The following GOLGB1 variants were observed in gnomAD, a reference collection of about 807,000 sequenced individuals.
The protein encoded by GOLGB1 is golgin subfamily B member 1.
GOLGB1 carries 174 observed loss-of-function variants against 336.9 expected under a neutral mutation model. The ratio of observed to expected loss-of-function variants is 0.52; its 90% CI spans 0.46 to 0.59. GOLGB1 has a LOEUF of 0.59. Among genes scored for constraint, GOLGB1 ranks in the 20% least tolerant of loss-of-function variants. GOLGB1 has a pLI of 0.00. For synonymous variants in GOLGB1, 1,208 were observed against 1,289.2 expected, an observed-to-expected ratio of 0.94 and a Z score of 1.35; for missense variants, 3,331 against 3,645.3, an observed-to-expected ratio of 0.91 and a Z score of 2.22.
chr3:121,697,640 A>G lies in GOLGB1; in HGVS notation c.2883T>C (p.Ser961=). The G allele has an allele frequency of 6.2e-7, 1 of 1,612,450 alleles. No homozygotes were observed. The highest frequency in any genetic ancestry group is 2.2e-5 in the East Asian group (1 of 44,880). ...CATCATAATTTTGTTTAAGGCCAGA[A>G]GAAACTTCATTATCTTCTTCCACCT... ...KEQVEEDNEV[S]SGLKQNYDEM... Residue 961 remains serine, a synonymous_variant, in exon 13 of 22, where the codon TCT becomes TCC. Transcript: ENST00000614479.
At chr3:121,718,066 G>A (rs1281042578) in intron 8 of GOLGB1, among the ~76,000 whole-genome samples, 1 of 152,064 alleles carries the variant, frequency 6.6e-6, no homozygotes, top group African/African-American at 2.4e-5. Context: ...TTCAGATTTT[G>A]CAGCATTTTG....
intron 10 of GOLGB1, among the ~76,000 whole-genome samples, chr3:121,706,154 T>C (rs567857594): frequency 6.6e-6 from 1 of 150,744 alleles, no homozygotes; most frequent in Non-Finnish European, 1.5e-5. Context: ...AAAAAAAAAT[T>C]AAAAGCCCAT....
intron 14 of GOLGB1, among the ~76,000 whole-genome samples, chr3:121,686,525 T>C (rs1273041194): frequency 6.6e-6 from 1 of 152,202 alleles, no homozygotes; most frequent in African/African-American, 2.4e-5. Flanking sequence ...TATAGATAAA[T>C]ACAGGCACCC....
At position 121,669,256 on chromosome 3, in the gene GOLGB1, T is replaced by A; in HGVS notation, c.9277A>T (p.Asn3093Tyr). The A allele has an allele frequency of 6.2e-7, 1 of 1,614,070 alleles. No individual in the cohort carries two copies. Among genetic ancestry groups the A allele is most frequent in the South Asian group, 1.1e-5 (1 of 91,080 alleles). ...TGCTTCTCCAAGACTGCACAGTGAT[T>A]TAAAAGGTCACCATAGTGCTGCTGG... ...ENQQHYGDLL[N>Y]HCAVLEKQVQ... Residue 3093 changes from asparagine to tyrosine, a missense_variant, in exon 18 of 22, where the codon AAT becomes TAT. Asn to Tyr is a moderately radical substitution (Grantham distance 143). Coordinates refer to ENST00000614479, the MANE Select transcript of GOLGB1 (RefSeq NM_001366282.2).
chr3:121,723,188 T>C lies in GOLGB1; in HGVS notation c.532-810A>G, dbSNP rs1462902303. ...AATATTTTTAATTTTTAACATTATT[T>C]AATTTTAATTTGAAAACTGAAATAT... On this transcript the variant is annotated intron_variant, in intron 5 of 21. Coordinates refer to ENST00000614479, the MANE Select transcript of GOLGB1 (RefSeq NM_001366282.2). 3.3e-5 allele frequency among the ~76,000 whole-genome samples: 5 copies of C among 152,340 alleles called. No homozygotes were observed. In the East Asian group the frequency reaches 5.8e-4, roughly 18 times the overall value.
rs560592558 is a variant in GOLGB1, at chr3:121,675,461, G to A, written c.9177+1432C>T. ...GTCCTTCAACAGAATAGAGATTGTG[G>A]TATATGCCTAAAATGCAATACTACA... On this transcript the variant is annotated intron_variant, in intron 17 of 21. Transcript: ENST00000614479. Among the ~76,000 whole-genome samples, 9 of 152,182 alleles carry A rather than the reference G, an allele frequency of 5.9e-5. No homozygotes were observed. The South Asian group carries it at 1.9e-3, about 32-fold the overall frequency.
rs547198724 is a variant in GOLGB1 at position 121,705,814 on chromosome 3, C to A, written c.1405-3219G>T. On this transcript the variant is annotated intron_variant, in intron 10 of 21. Transcript: ENST00000614479. ...AATAGCACTTGGTGCTCACACAAAA[C>A]CCGGAAGTGTCAGTTATATAGCCAA... 7.5e-4 allele frequency among the ~76,000 whole-genome samples: 114 copies of A among 152,310 alleles called. 1 individual carries two copies. The highest frequency in any genetic ancestry group is 1.1e-3 in the Non-Finnish European group (74 of 68,024).
In GOLGB1 at chr3:121,695,895, A is replaced by G; in HGVS notation, c.4628T>C (p.Leu1543Ser). 2 of 1,613,784 alleles carry G rather than the reference A, an allele frequency of 1.2e-6. No homozygotes were observed. Among genetic ancestry groups the G allele is most frequent in the South Asian group, 2.2e-5 (2 of 91,032 alleles). ...TTCTTGAAGAAGAGCTAACCTTCCT[A>G]AGACCGTATCTTTTTCTTTATTTTG... The part of the protein sequence containing the change: ...SAQNKEKDTV[L>S]GRLALLQEER... Residue 1543 changes from leucine to serine, a missense_variant, in exon 13 of 22, where the codon TTA becomes TCA. Physicochemically the swap from Leu to Ser is moderately radical, Grantham distance 145 (BLOSUM62 -2). Transcript: ENST00000614479.
chr3:121,679,419 A>G (rs1940804146), intron 15 of GOLGB1, among the ~76,000 whole-genome samples: 1 of 152,154 alleles, frequency 6.6e-6, no homozygotes, highest in South Asian at 2.1e-4. Flanking sequence ...GAGGAATGAC[A>G]TGGTGGCAAG....
chr3:121,711,051 G>A (rs945433028), intron 10 of GOLGB1, among the ~76,000 whole-genome samples: 21 of 151,796 alleles, frequency 1.4e-4, no homozygotes, highest in African/African-American at 4.6e-4. Flanking sequence ...AAAATTAGCC[G>A]GGGGTGTTGG....
Position 121,695,878 on chromosome 3 carries a change from G to A in GOLGB1, c.4645C>T (p.Leu1549Phe), listed in dbSNP as rs1942897792. 2.5e-6 allele frequency: 4 copies of A among 1,613,872 alleles called. No individual in the cohort carries two copies. Among genetic ancestry groups the A allele is most frequent in the Non-Finnish European group, 3.4e-6 (4 of 1,179,786 alleles). Residue 1549 changes from leucine (L) to phenylalanine (F), a missense_variant, in exon 13 of 22, where the codon CTT becomes TTT. By Grantham distance (22) the Leu-to-Phe change is conservative. Coordinates refer to ENST00000614479, the MANE Select transcript of GOLGB1 (RefSeq NM_001366282.2). The stretch of plus-strand genomic sequence containing the variant: ...ATGAGTTTGTCTCTTTCTTCTTGAA[G>A]AAGAGCTAACCTTCCTAAGACCGTA... ...KDTVLGRLAL[L>F]QEERDKLITE...
intron 1 of GOLGB1, among the ~76,000 whole-genome samples, chr3:121,739,842 C>T (rs1274867900): frequency 2.0e-5 from 3 of 152,140 alleles, no homozygotes; most frequent in Admixed American, 1.3e-4. Context: ...GTTAAACAAA[C>T]TGGTACATAC....
intron 2 of GOLGB1, among the ~76,000 whole-genome samples, chr3:121,730,582 G>C (rs1946021401): frequency 6.6e-6 from 1 of 152,186 alleles, no homozygotes; most frequent in Admixed American, 6.5e-5. Flanking sequence ...CTGTGGAAAA[G>C]GAATAGCCAA....
chr3:121,702,765 T>A (rs905613472), intron 10 of GOLGB1, among the ~76,000 whole-genome samples, 170 bp from the exon 11 acceptor site: 1 of 152,240 alleles, frequency 6.6e-6, no homozygotes, highest in Non-Finnish European at 1.5e-5. Context: ...AAGTGTTTTA[T>A]CTAAAGATTT....
chr3:121,707,466 A>G (rs1247321751), intron 10 of GOLGB1, among the ~76,000 whole-genome samples: 1 of 151,070 alleles, frequency 6.6e-6, no homozygotes, highest in Non-Finnish European at 1.5e-5. Flanking sequence ...TCTCTACTAA[A>G]AGCAAAAAAA....
chr3:121,746,048 T>C (rs548897188), intron 1 of GOLGB1, among the ~76,000 whole-genome samples: 8 of 152,336 alleles, frequency 5.3e-5, no homozygotes, highest in Admixed American at 1.3e-4. Flanking sequence ...AGTGAGTGCA[T>C]GCCTGTGTAT....
rs781737017 is a variant in GOLGB1, at chr3:121,681,745, T to G, written c.8815A>C (p.Met2939Leu). 52 of 1,612,792 alleles carry G rather than the reference T, an allele frequency of 3.2e-5. No individual in the cohort carries two copies. The highest frequency in any genetic ancestry group is 3.2e-5 in the Non-Finnish European group (38 of 1,178,966). Residue 2939 changes from methionine (M) to leucine (L), a missense_variant, in exon 15 of 22, where the codon ATG becomes CTG. By Grantham distance (15) the Met-to-Leu change is conservative. Coordinates refer to ENST00000614479, the MANE Select transcript of GOLGB1 (RefSeq NM_001366282.2). ...TTTTCCTGCCTGAGCTCTTCTTGCATAATCTGAAATGCTTTTGTCTTATCT... is the reference window on the plus strand; with the variant it reads ...TTTTCCTGCCTGAGCTCTTCTTGCAGAATCTGAAATGCTTTTGTCTTATCT... ...YQDKTKAFQI[M>L]QEELRQENLS...
chr3:121,664,862 G>T, intron 21 of GOLGB1, 64 bp downstream of exon 21: 12 of 996,412 alleles, frequency 1.2e-5, no homozygotes, highest in Non-Finnish European at 1.6e-5. Flanking sequence ...TCAGCTCCTT[G>T]CCCCCAGTAT....
intron 4 of GOLGB1, among the ~76,000 whole-genome samples, chr3:121,727,316 ATATATTT>A (rs1294294556): frequency 1.3e-3 from 48 of 36,042 alleles, no homozygotes; most frequent in South Asian, 3.0e-3. Flanking sequence ...ATATATATAT[ATATATTT>A]TTTTTTTTTT....
Sources: allele counts gnomAD v4.1 joint callset (sites outside exome capture counted in the v4.1 genomes callset), GRCh38; gene constraint gnomAD v4.1.1; transcripts MANE v1.5; gene names NCBI Gene and HGNC (gene_info 2026-07-23, HGNC 2026-07-21).